Variants in CFDP1 observed in about 807,000 individuals in gnomAD.
CFDP1 encodes heterochromatin-stabilizing protein CFDP1.
A neutral mutation model predicts 40.1 loss-of-function variants in CFDP1; 31 were observed. The ratio of observed to expected loss-of-function variants is 0.77; its 90% CI spans 0.58 to 1.04. The LOEUF (loss-of-function observed/expected upper bound fraction) is 1.04, where lower values mean the gene tolerates loss of function less well. Among genes scored for constraint, CFDP1 ranks in the 50% least tolerant of loss-of-function variants. The pLI, the probability that CFDP1 is intolerant of heterozygous loss-of-function variation, is 0.00. For missense variants in CFDP1, 423 were observed against 343.4 expected (o/e 1.23, Z -1.83); for synonymous variants, 167 against 120.0 (o/e 1.39, Z -2.56).
At chr16:75,355,316 A>G (rs571940185) in intron 5 of CFDP1, among the ~76,000 whole-genome samples, 36 of 152,324 alleles carry the variant, frequency 2.4e-4, no homozygotes, top group Non-Finnish European at 4.6e-4. Context: ...GTAGCATGCA[A>G]TGCTGTTTGA....
chr16:75,397,266 G>A (rs1252995516), intron 4 of CFDP1, among the ~76,000 whole-genome samples: 1 of 151,412 alleles, frequency 6.6e-6, no homozygotes, highest in African/African-American at 2.4e-5. Flanking sequence ...TGTAATCCCA[G>A]CATTTTGGGA....
At chr16:75,426,920 T>G (rs907941344) in intron 1 of CFDP1, among the ~76,000 whole-genome samples, 1 of 151,766 alleles carries the variant, frequency 6.6e-6, no homozygotes, top group Non-Finnish European at 1.5e-5. Flanking sequence ...CTGGGTGTGG[T>G]GGCGAGTGCT....
chr16:75,321,213 C>T (rs1228074240), intron 5 of CFDP1, among the ~76,000 whole-genome samples: 1 of 152,202 alleles, frequency 6.6e-6, no homozygotes, highest in Non-Finnish European at 1.5e-5. Flanking sequence ...GATCCTCCTA[C>T]CTCGGCATTC....
intron 5 of CFDP1, among the ~76,000 whole-genome samples, chr16:75,331,342 C>A (rs2078444610): frequency 6.6e-6 from 1 of 152,136 alleles, no homozygotes; most frequent in Admixed American, 6.6e-5. Flanking sequence ...GTCTCAAATT[C>A]CTGGGCTCAA....
intron 4 of CFDP1, among the ~76,000 whole-genome samples, chr16:75,397,447 A>C (rs1346098822): frequency 6.6e-6 from 1 of 152,004 alleles, no homozygotes; most frequent in Non-Finnish European, 1.5e-5. Flanking sequence ...CAGAGGTTGC[A>C]GTGAGCCAAG....
rs77996184 is a variant in CFDP1 at position 75,304,609 on chromosome 16, A to G, written c.809+415T>C. Among the ~76,000 whole-genome samples, 524 of 152,340 alleles carry G rather than the reference A, an allele frequency of 3.4e-3. 2 individuals are homozygous for G. Among genetic ancestry groups the G allele is most frequent in the African/African-American group, 0.012 (488 of 41,582 alleles). ...CACAGACAAAAAAAAATTCACAATA[A>G]TGCAACATCTAGGCATTCCATTGGC... is the stretch of plus-strand genomic sequence containing the variant. On this transcript the variant is annotated intron_variant, in intron 6 of 6. Transcript: ENST00000283882.
rs2078279309 is a variant in CFDP1 at position 75,309,452 on chromosome 16, G to A, written c.651-4270C>T. On this transcript the variant is annotated intron_variant, in intron 5 of 6. Coordinates refer to ENST00000283882, the MANE Select transcript of CFDP1 (RefSeq NM_006324.3). ...GGGACAAATCAGCACTGGCTCTCCA[G>A]GCATCTGGCAGCTGTGTATATTGGA... Among the ~76,000 whole-genome samples the A allele has an allele frequency of 2.0e-5, 3 of 151,930 alleles. No individual in the cohort carries two copies. The South Asian group carries it at 6.3e-4, about 32-fold the overall frequency.
At chr16:75,297,355 A>G (rs2078191229) in intron 6 of CFDP1, among the ~76,000 whole-genome samples, 1 of 152,036 alleles carries the variant, frequency 6.6e-6, no homozygotes, top group Admixed American at 6.5e-5. Context: ...CTTTACCTCT[A>G]CAGAACCTCA....
intron 5 of CFDP1, among the ~76,000 whole-genome samples, chr16:75,338,160 A>G (rs2078502417): frequency 6.6e-6 from 1 of 152,160 alleles, no homozygotes; most frequent in African/African-American, 2.4e-5. Flanking sequence ...AATCCAGGAG[A>G]CAGGGAGAAT....
chr16:75,325,385 T>G (rs2078394779), intron 5 of CFDP1, among the ~76,000 whole-genome samples: 1 of 152,246 alleles, frequency 6.6e-6, no homozygotes, highest in African/African-American at 2.4e-5. Context: ...ACTAACTTCC[T>G]GACCTCTTTC....
intron 1 of CFDP1, among the ~76,000 whole-genome samples, chr16:75,432,988 G>A (rs868574086): frequency 7.5e-4 from 114 of 152,324 alleles, no homozygotes; most frequent in African/African-American, 2.6e-3. Context: ...CAGCGGTGTC[G>A]TTCGGGGCTG....
chr16:75,380,074 G>A (rs1437855847), intron 5 of CFDP1: 1 of 151,602 alleles, frequency 6.6e-6, no homozygotes, highest in East Asian at 1.9e-4. Context: ...GGAGGTGGAG[G>A]TTGCACTGAG....
intron 5 of CFDP1, among the ~76,000 whole-genome samples, chr16:75,335,766 C>T (rs2078483449): frequency 6.6e-6 from 1 of 152,058 alleles, no homozygotes; most frequent in Non-Finnish European, 1.5e-5. Context: ...CCGTGTTAGC[C>T]AGGATGGTCT....
At chr16:75,403,869 C>T (rs2079076160) in intron 4 of CFDP1, among the ~76,000 whole-genome samples, 1 of 152,078 alleles carries the variant, frequency 6.6e-6, no homozygotes, top group Non-Finnish European at 1.5e-5. Flanking sequence ...TGGTGGCTCA[C>T]ACCTGTAATC....
At chr16:75,374,140 C>T (rs1156706097) in intron 5 of CFDP1, among the ~76,000 whole-genome samples, 1 of 151,932 alleles carries the variant, frequency 6.6e-6, no homozygotes, top group Non-Finnish European at 1.5e-5. Flanking sequence ...ATAGTCCCAG[C>T]TACTTGGGAG....
At chr16:75,402,983 T>A (rs750357120) in intron 4 of CFDP1, among the ~76,000 whole-genome samples, 5 of 152,148 alleles carry the variant, frequency 3.3e-5, no homozygotes, top group African/African-American at 7.2e-5. Context: ...ATAAAATGTA[T>A]GTGACAGTAT....
At chr16:75,399,289 G>T (rs2151569163) in intron 4 of CFDP1, among the ~76,000 whole-genome samples, 1 of 152,164 alleles carries the variant, frequency 6.6e-6, no homozygotes, top group African/African-American at 2.4e-5. Flanking sequence ...CAAATCTCAG[G>T]CTTAATGCAG....
chr16:75,324,071 T>C (rs1450611299), intron 5 of CFDP1, among the ~76,000 whole-genome samples: 1 of 152,210 alleles, frequency 6.6e-6, no homozygotes, highest in Non-Finnish European at 1.5e-5. Context: ...TGCCAGACTC[T>C]TTTTTGGCCA....
At chr16:75,408,690 C>A (rs2079127266) in intron 4 of CFDP1, among the ~76,000 whole-genome samples, 1 of 151,640 alleles carries the variant, frequency 6.6e-6, no homozygotes, top group African/African-American at 2.4e-5. Context: ...GCAGGAGAAT[C>A]ACTTGAACCA....
Sources: gnomAD v4.1 joint callset for allele counts (sites outside exome capture counted in the v4.1 genomes callset) on GRCh38, gnomAD v4.1.1 for gene constraint, MANE v1.5 for transcripts, NCBI Gene and HGNC (gene_info 2026-07-23, HGNC 2026-07-21) for gene names.